SNX29: variants seen among roughly 807,000 people sequenced by gnomAD.
SNX29 encodes the protein sorting nexin 29.
SNX29 carries 78 observed loss-of-function variants against 102.1 expected under a neutral mutation model. The ratio of observed to expected loss-of-function variants is 0.76; its 90% CI spans 0.64 to 0.92. The LOEUF is 0.92. SNX29 is among the 40% of genes least tolerant of loss of function. The pLI is 0.00. For missense variants in SNX29, 1,280 were observed against 1,061.7 expected (o/e 1.21, Z -2.86); for synonymous variants, 580 against 414.5 (o/e 1.40, Z -4.85).
At chr16:12,160,188 C>G (rs2055723893) in intron 13 of SNX29, among the ~76,000 whole-genome samples, 3 of 152,206 alleles carry the variant, frequency 2.0e-5, no homozygotes, top group Admixed American at 1.3e-4. Flanking sequence ...CTGTTTGCCC[C>G]ATTGCTGGGT....
Position 12,340,868 on chromosome 16 carries a change from G to A in SNX29, c.1783-15295G>A, listed in dbSNP as rs559709730. 8.3e-4 allele frequency among the ~76,000 whole-genome samples: 126 copies of A among 152,176 alleles called. 6 individuals are homozygous for A. The South Asian group carries it at 0.022, about 27-fold the overall frequency. ...TGTCCCGCTTTATAGCCTTTTACGT[G>A]GAGTCTTTGCCTTCCATCCACTAAA... On this transcript the variant is annotated intron_variant, in intron 15 of 20. Transcript: ENST00000566228.
At chr16:12,211,728 G>A (rs2077189264) in intron 14 of SNX29, among the ~76,000 whole-genome samples, 1 of 152,040 alleles carries the variant, frequency 6.6e-6, no homozygotes, top group Non-Finnish European at 1.5e-5. Context: ...GCCGTCTGGG[G>A]GCAGAATTCG....
chr16:12,235,171 A>G (rs913650249), intron 14 of SNX29, among the ~76,000 whole-genome samples: 1 of 151,982 alleles, frequency 6.6e-6, no homozygotes, highest in African/African-American at 2.4e-5. Flanking sequence ...TCAGTTGGAA[A>G]CAGGCTCACT....
At position 12,102,715 on chromosome 16, in the gene SNX29, A is replaced by G. The variant is rs573652138; in HGVS notation, c.1402+23800A>G. Among the ~76,000 whole-genome samples the G allele has an allele frequency of 7.2e-5, 11 of 152,312 alleles. No individual in the cohort carries two copies. In the South Asian group the frequency reaches 1.2e-3, roughly 17 times the overall value. Reference sequence around the variant, plus strand: ...AGTATTGCAAATTCTGGCCAGAGCAATCAGGCAAGAAAAAGAAATAAAGGG... The same window carrying G: ...AGTATTGCAAATTCTGGCCAGAGCAGTCAGGCAAGAAAAAGAAATAAAGGG... On this transcript the variant is annotated intron_variant, in intron 11 of 20. Coordinates refer to ENST00000566228, the MANE Select transcript of SNX29 (RefSeq NM_032167.5).
intron 13 of SNX29, among the ~76,000 whole-genome samples, chr16:12,191,256 C>T (rs558115281): frequency 5.3e-5 from 8 of 152,236 alleles, no homozygotes; most frequent in African/African-American, 1.7e-4. Context: ...GCTCACTCAC[C>T]GCTCCATCAC....
intron 11 of SNX29, among the ~76,000 whole-genome samples, chr16:12,099,822 T>G (rs940474937): frequency 6.6e-6 from 1 of 152,094 alleles, no homozygotes; most frequent in African/African-American, 2.4e-5. Flanking sequence ...TGCAGTGCCC[T>G]CATGACTGCC....
At chr16:12,231,951 G>A (rs2941085) in intron 14 of SNX29, among the ~76,000 whole-genome samples, 72,874 of 152,042 alleles carry the variant, frequency 0.48, 18,402 homozygotes, top group Non-Finnish European at 0.57. Flanking sequence ...ATGTGTTTCA[G>A]GGGTTTTTCC....
intron 15 of SNX29, among the ~76,000 whole-genome samples, chr16:12,345,060 C>T (rs1341124875): frequency 6.6e-6 from 1 of 152,220 alleles, no homozygotes; most frequent in Non-Finnish European, 1.5e-5. Flanking sequence ...CGCTGACCCT[C>T]CCATAATCCA....
chr16:12,518,182 C>G (rs1414124824), intron 19 of SNX29, among the ~76,000 whole-genome samples: 1 of 152,102 alleles, frequency 6.6e-6, no homozygotes, highest in African/African-American at 2.4e-5. Flanking sequence ...GCTCTCTCTG[C>G]CTAAGCTTCC....
At chr16:12,251,882 C>T (rs1352338798) in intron 14 of SNX29, among the ~76,000 whole-genome samples, 1 of 152,026 alleles carries the variant, frequency 6.6e-6, no homozygotes, top group Non-Finnish European at 1.5e-5. Context: ...GACTCAGCCT[C>T]CCCAGTAGCT....
At chr16:11,976,890 T>C in intron 1 of SNX29, 77 bp downstream of exon 1, 1 of 1,288,682 alleles carries the variant, frequency 7.8e-7, no homozygotes, top group Non-Finnish European at 9.8e-7. Context: ...CTCCGGCCCC[T>C]GCGTCCTCGC....
rs376702440 is a variant in SNX29, at chr16:12,029,495, T to C, written c.247+2051T>C. On this transcript the variant is annotated intron_variant, in intron 4 of 20. Coordinates refer to ENST00000566228, the MANE Select transcript of SNX29 (RefSeq NM_032167.5). ...CAAGTAGCCAGTACAGAATACAGTA[T>C]GGAGAAATGAATTATTTTCCATTCC... 1.6e-4 allele frequency: 71 copies of C among 453,312 alleles called. No individual in the cohort carries two copies. In the East Asian group the frequency reaches 4.4e-3, roughly 28 times the overall value. The allele number at this position is 453,312 out of a possible 1,614,324, so 28.1% of individuals were successfully genotyped here. A position where few individuals can be genotyped will look rare whatever the true frequency, so the allele number is the denominator to read the frequency against.
intron 14 of SNX29, among the ~76,000 whole-genome samples, chr16:12,227,380 A>G (rs2077643415): frequency 6.6e-6 from 1 of 152,150 alleles, no homozygotes; most frequent in African/African-American, 2.4e-5. Flanking sequence ...CGGAAGATGG[A>G]TGATACACAC....
At chr16:12,150,326 T>A (rs919981351) in intron 13 of SNX29, among the ~76,000 whole-genome samples, 1 of 152,120 alleles carries the variant, frequency 6.6e-6, no homozygotes, top group Non-Finnish European at 1.5e-5. Context: ...AGATCAACCA[T>A]GATAAGTATG....
At chr16:12,029,668 T>A in intron 4 of SNX29, 2 of 450,612 alleles carry the variant, frequency 4.4e-6, no homozygotes, top group South Asian at 3.1e-5. Context: ...CTCAGCTCAC[T>A]GCAACCTCTG....
intron 13 of SNX29, among the ~76,000 whole-genome samples, chr16:12,166,700 GC>G (rs1337873628): frequency 1.3e-5 from 2 of 152,100 alleles, no homozygotes; most frequent in African/African-American, 4.8e-5. Context: ...TCCTTTAGAG[GC>G]CCCGTATTTA....
intron 16 of SNX29, among the ~76,000 whole-genome samples, chr16:12,382,468 T>C (rs1291217667): frequency 6.6e-6 from 1 of 152,190 alleles, no homozygotes; most frequent in East Asian, 1.9e-4. Flanking sequence ...TCTGAGTCTA[T>C]TTCCCCATCA....
At chr16:12,189,341 G>A (rs1020290325) in intron 13 of SNX29, among the ~76,000 whole-genome samples, 2 of 152,222 alleles carry the variant, frequency 1.3e-5, no homozygotes, top group African/African-American at 4.8e-5. Context: ...TTTCATGTCT[G>A]TTCGGGCTAG....
chr16:12,449,867 TA>T (rs2086226996), intron 18 of SNX29, among the ~76,000 whole-genome samples: 1 of 152,330 alleles, frequency 6.6e-6, no homozygotes, highest in Non-Finnish European at 1.5e-5. Context: ...ACAATGTTTT[TA>T]CATGATTTCT....
Sources: allele counts gnomAD v4.1 joint callset (sites outside exome capture counted in the v4.1 genomes callset), GRCh38; gene constraint gnomAD v4.1.1; transcripts MANE v1.5; gene names NCBI Gene and HGNC (gene_info 2026-07-23, HGNC 2026-07-21).